Variants in CAMKK2 observed in about 807,000 individuals in gnomAD.
The protein encoded by CAMKK2 is calcium/calmodulin-dependent protein kinase kinase 2.
CAMKK2 carries 30 observed loss-of-function variants against 67.2 expected under a neutral mutation model. The ratio of observed to expected loss-of-function variants is 0.45; its 90% CI spans 0.33 to 0.61. CAMKK2 has a LOEUF of 0.61. Ranked by LOEUF, CAMKK2 falls within the 20% of genes least tolerant of loss-of-function variation. The pLI, the probability that CAMKK2 is intolerant of heterozygous loss-of-function variation, is 0.02. For missense variants in CAMKK2, 643 were observed against 802.0 expected, an observed-to-expected ratio of 0.80 and a Z score of 2.39; for synonymous variants, 322 against 326.2, an observed-to-expected ratio of 0.99 and a Z score of 0.14.
At position 121,244,671 on chromosome 12, in the gene CAMKK2, G is replaced by A. The variant is rs369628626; in HGVS notation, c.1554-56C>T. 83 of 1,386,164 alleles carry A rather than the reference G, an allele frequency of 6.0e-5. No individual in the cohort carries two copies. The African/African-American group carries it at 7.4e-4, about 12-fold the overall frequency. 85.9% of individuals were successfully genotyped at this position (1,386,164 alleles called of 1,614,324 possible). A position where few individuals can be genotyped will look rare whatever the true frequency, so the allele number is the denominator to read the frequency against. On this transcript the variant is annotated intron_variant, in intron 15 of 16. Transcript: ENST00000404169. The stretch of plus-strand genomic sequence containing the variant: ...GTGAGAAGGGACCCTTGGGATCCAC[G>A]GGATGCCCGTTCCCCCACCCTGAGA...
At chr12:121,243,794 G>A in intron 16 of CAMKK2, 1 of 1,006,868 alleles carries the variant, frequency 9.9e-7, no homozygotes, top group Non-Finnish European at 1.3e-6. Flanking sequence ...TCCCGTGGGT[G>A]AATTACATGG....
In CAMKK2 at chr12:121,253,580, T is replaced by C. The variant is rs1593312731; in HGVS notation, c.908-108A>G. On this transcript the variant is annotated intron_variant, in intron 9 of 16. Coordinates refer to ENST00000404169, the MANE Select transcript of CAMKK2 (RefSeq NM_001270485.2). The surrounding 1 kb of genome is among the most constrained non-coding windows in gnomAD (Gnocchi z 5.0). ...ACAGGCATGGCACCCCTCTGATGCC[T>C]TGTCTCCCACAGCCCCAGGCCTTTT... The C allele has an allele frequency of 1.1e-6, 1 of 924,420 alleles. No individual in the cohort carries two copies. The highest frequency in any genetic ancestry group is 2.4e-5 in the East Asian group (1 of 41,214). The allele number at this position is 924,420 out of a possible 1,614,324, so 57.3% of individuals were successfully genotyped here. A position where few individuals can be genotyped will look rare whatever the true frequency, so the allele number is the denominator to read the frequency against.
chr12:121,276,353 A>AGGT (rs1896810325), intron 1 of CAMKK2, among the ~76,000 whole-genome samples: 1 of 151,874 alleles, frequency 6.6e-6, no homozygotes, highest in Admixed American at 6.6e-5. Flanking sequence ...CTGTAATCCC[A>AGGT]GCTACTCGGG....
chr12:121,254,314 C>T (rs573793037), intron 9 of CAMKK2, among the ~76,000 whole-genome samples: 3 of 151,988 alleles, frequency 2.0e-5, no homozygotes, highest in East Asian at 1.9e-4. Flanking sequence ...AAAAATTAGC[C>T]GGGCATGGTG....
rs1162243263 is a variant in CAMKK2, at chr12:121,240,540, C to A, written c.*159G>T. The A allele has an allele frequency of 8.5e-7, 1 of 1,174,280 alleles. No homozygotes were observed. The allele number at this position is 1,174,280 out of a possible 1,614,324, so 72.7% of individuals were successfully genotyped here. The stretch of plus-strand genomic sequence containing the variant: ...AGTCAAGTCCTTTTTTTTTTTTTGT[C>A]CCCTTTAAAACAACAAAGGAAAAAA... On this transcript the variant is annotated 3_prime_UTR_variant, in exon 17 of 17. Transcript: ENST00000404169. The surrounding 1 kb of genome is among the most constrained non-coding windows in gnomAD (Gnocchi z 4.4).
chr12:121,257,078 G>C (rs940779182), intron 7 of CAMKK2, among the ~76,000 whole-genome samples: 5 of 151,750 alleles, frequency 3.3e-5, no homozygotes, highest in Non-Finnish European at 7.4e-5. Context: ...CTCTGGGGTT[G>C]CTTGTTGTTC....
intron 1 of CAMKK2, among the ~76,000 whole-genome samples, chr12:121,295,692 A>G (rs977710890): frequency 4.6e-5 from 7 of 152,146 alleles, no homozygotes; most frequent in Non-Finnish European, 7.4e-5. Context: ...TGCAGGTCCC[A>G]TCCGGAGGCC....
intron 1 of CAMKK2, among the ~76,000 whole-genome samples, chr12:121,288,665 T>C (rs1193642747): frequency 1.3e-5 from 2 of 152,082 alleles, no homozygotes; most frequent in Non-Finnish European, 2.9e-5. Context: ...CCCCACCCGC[T>C]GGGTTCCTGC....
At chr12:121,259,542 T>C (rs947532009) in intron 7 of CAMKK2, among the ~76,000 whole-genome samples, 2 of 152,170 alleles carry the variant, frequency 1.3e-5, no homozygotes, top group African/African-American at 2.4e-5. Context: ...TTTTGGCATA[T>C]TGTGATTTCT....
intron 5 of CAMKK2, among the ~76,000 whole-genome samples, chr12:121,267,167 T>G (rs1894788246): frequency 2.1e-5 from 3 of 141,508 alleles, no homozygotes; most frequent in South Asian, 2.3e-4. Flanking sequence ...TGGAGTGCAG[T>G]GGCGCAATCT....
At chr12:121,290,651 C>T (rs1053158203) in intron 1 of CAMKK2, among the ~76,000 whole-genome samples, 3 of 152,130 alleles carry the variant, frequency 2.0e-5, no homozygotes, top group Non-Finnish European at 4.4e-5. Context: ...GATGGCAACA[C>T]TGCACTCCAG....
intron 1 of CAMKK2, among the ~76,000 whole-genome samples, chr12:121,288,496 C>A (rs1899245758): frequency 6.6e-6 from 1 of 152,230 alleles, no homozygotes; most frequent in South Asian, 2.1e-4. Context: ...TAAAATATTT[C>A]TCTGCCAGAA....
At position 121,246,000 on chromosome 12, in the gene CAMKK2, G is replaced by T. The variant is rs1889366215; in HGVS notation, c.1453-760C>A. The stretch of plus-strand genomic sequence containing the variant: ...CCTTCTCCTACGTCAAAGTAGCCAG[G>T]CCCGAAAGGCCTCAGAGTGTAGGAT... On this transcript the variant is annotated intron_variant, in intron 14 of 16. Transcript: ENST00000404169. This position sits in a 1 kb window ranked among gnomAD's most constrained non-coding sequence, Gnocchi z 5.8. Among the ~76,000 whole-genome samples the T allele has an allele frequency of 6.6e-6, 1 of 152,102 alleles. No individual in the cohort carries two copies. The highest frequency in any genetic ancestry group is 2.1e-4 in the South Asian group (1 of 4,818).
intron 1 of CAMKK2, among the ~76,000 whole-genome samples, chr12:121,294,466 G>A (rs767069128): frequency 9.2e-5 from 14 of 152,214 alleles, no homozygotes; most frequent in Non-Finnish European, 1.6e-4. Flanking sequence ...CCATATCTAA[G>A]GATGGGCAGT....
intron 13 of CAMKK2, 55 bp downstream of exon 13, chr12:121,249,732 G>T: frequency 7.0e-7 from 1 of 1,438,514 alleles, no homozygotes; most frequent in Non-Finnish European, 9.8e-7. Flanking sequence ...GTCTGGCTGA[G>T]GCATGGCTGA....
intron 1 of CAMKK2, among the ~76,000 whole-genome samples, chr12:121,284,662 C>A (rs1324070163): frequency 6.6e-6 from 1 of 152,232 alleles, no homozygotes; most frequent in Non-Finnish European, 1.5e-5. Context: ...CAATTACAGG[C>A]ATAGCCCTGC....
intron 5 of CAMKK2, among the ~76,000 whole-genome samples, chr12:121,267,745 C>G (rs998704759): frequency 6.6e-6 from 1 of 151,476 alleles, no homozygotes; most frequent in East Asian, 2.0e-4. Flanking sequence ...CCACTCGCCT[C>G]GGCCTCCCAG....
At position 121,240,756 on chromosome 12, in the gene CAMKK2, G is replaced by A. The variant is rs759999951; in HGVS notation, c.1710C>T (p.Pro570=). Reference sequence around the variant, plus strand: ...GTGGATGCATGCGTGCGGGGGAGCCGGGGGCGGGGGCCCAGCAACTTTCCA... The same window carrying A: ...GTGGATGCATGCGTGCGGGGGAGCCAGGGGCGGGGGCCCAGCAACTTTCCA... ...PCVESCWAPA[P]GSPARMHPLR... The change falls in exon 17 of 17, where the codon CCC becomes CCT. Residue 570 remains proline, a synonymous_variant. Coordinates refer to ENST00000404169, the MANE Select transcript of CAMKK2 (RefSeq NM_001270485.2). This position sits in a 1 kb window ranked among gnomAD's most constrained non-coding sequence, Gnocchi z 4.4. The A allele has an allele frequency of 6.2e-7, 1 of 1,607,558 alleles. No homozygotes were observed. The highest frequency in any genetic ancestry group is 1.1e-5 in the South Asian group (1 of 90,546).
intron 9 of CAMKK2, among the ~76,000 whole-genome samples, 159 bp downstream of exon 9, chr12:121,255,391 T>TATAC (rs1294609455): frequency 4.0e-5 from 4 of 100,100 alleles, no homozygotes; most frequent in Admixed American, 1.5e-4. Flanking sequence ...TTTATATATA[T>TATAC]ATATGTATCT....
Sources: allele counts gnomAD v4.1 joint callset (sites outside exome capture counted in the v4.1 genomes callset), GRCh38; gene constraint gnomAD v4.1.1; non-coding constraint Gnocchi (gnomAD v3.1); transcripts MANE v1.5; gene names NCBI Gene and HGNC (gene_info 2026-07-23, HGNC 2026-07-21).